The following MAP2K4 variants were observed in gnomAD, a reference collection of about 807,000 sequenced individuals.
MAP2K4 encodes mitogen-activated protein kinase kinase 4.
In MAP2K4, 4 loss-of-function variants were observed where a neutral mutation model predicts 48.5. The observed-to-expected ratio is 0.08, with a 90% CI of 0.04 to 0.19. The LOEUF (loss-of-function observed/expected upper bound fraction) is 0.19. Ranked by LOEUF, MAP2K4 falls within the 10% of genes least tolerant of loss-of-function variation. The pLI, the probability that MAP2K4 is intolerant of heterozygous loss-of-function variation, is 1.00. For missense variants in MAP2K4, 258 were observed against 493.3 expected (o/e 0.52, Z 4.52); for synonymous variants, 166 against 173.1 (o/e 0.96, Z 0.32).
chr17:12,021,734 G>GAAAAA lies in MAP2K4; in HGVS notation c.115+750_115+754dup, dbSNP rs896882494. Among the ~76,000 whole-genome samples the GAAAAA allele has an allele frequency of 2.7e-4, 27 of 99,614 alleles. 1 individual carries two copies. Among genetic ancestry groups the GAAAAA allele is most frequent in the Admixed American group, 4.5e-4 (4 of 8,954 alleles). 65.4% of individuals were successfully genotyped at this position (99,614 alleles called of 152,430 possible). A position where few individuals can be genotyped will look rare whatever the true frequency, so the allele number is the denominator to read the frequency against. On this transcript the variant is annotated intron_variant, in intron 1 of 10. Transcript: ENST00000353533. ...TCTGTGTTAGCATTGCGTGCAGGAAGAAAAAAAAAAAAAAAAAAAAAGAAG... is the reference window on the plus strand; with the variant it reads ...TCTGTGTTAGCATTGCGTGCAGGAAGAAAAAAAAAAAAAAAAAAAAAAAAAAGAAG...
chr17:12,141,340 T>C lies in MAP2K4; in HGVS notation c.*80T>C. ...AGAATTTTCATCCCGTATCACAGTGTTTTTATTGCTCGCCCAGACACCATG... is the reference window on the plus strand; with the variant it reads ...AGAATTTTCATCCCGTATCACAGTGCTTTTATTGCTCGCCCAGACACCATG... On this transcript the variant is annotated 3_prime_UTR_variant, in exon 11 of 11. Coordinates refer to ENST00000353533, the MANE Select transcript of MAP2K4 (RefSeq NM_003010.4). 2.0e-6 allele frequency: 2 copies of C among 976,404 alleles called. No homozygotes were observed. The highest frequency in any genetic ancestry group is 2.6e-5 in the South Asian group (2 of 77,388). The allele number at this position is 976,404 out of a possible 1,614,324, so 60.5% of individuals were successfully genotyped here.
chr17:12,132,208 T>C (rs1973050435), intron 9 of MAP2K4, among the ~76,000 whole-genome samples: 1 of 152,214 alleles, frequency 6.6e-6, no homozygotes, highest in African/African-American at 2.4e-5. Flanking sequence ...GGTTGATGTA[T>C]ACACCATGGT....
chr17:12,139,716 C>T (rs1340965263), intron 9 of MAP2K4, 123 bp from the exon 10 acceptor site: 12 of 631,696 alleles, frequency 1.9e-5, no homozygotes, highest in African/African-American at 1.5e-4. Flanking sequence ...AGGCTGTCTG[C>T]GTTGTTACTT....
chr17:12,070,579 A>G (rs1970770036), intron 2 of MAP2K4, among the ~76,000 whole-genome samples: 1 of 152,224 alleles, frequency 6.6e-6, no homozygotes, highest in African/African-American at 2.4e-5. Flanking sequence ...AAAAGGATAT[A>G]GAAAATATGA....
Position 12,095,895 on chromosome 17 carries a change from T to TTGTGTGTGTGTG in MAP2K4, c.513+223_513+234dup, listed in dbSNP as rs71947375. ...GGTAAGGGGTGAATCACACGTGTGT[T>TTGTGTGTGTGTG]TGTGTGTGTGTGTGTGTGTGTGTGT... On this transcript the variant is annotated intron_variant, in intron 4 of 10. Coordinates refer to ENST00000353533, the MANE Select transcript of MAP2K4 (RefSeq NM_003010.4). Among the ~76,000 whole-genome samples, 627 of 147,378 alleles carry TTGTGTGTGTGTG rather than the reference T, an allele frequency of 4.3e-3. 4 individuals are homozygous for TTGTGTGTGTGTG. Among genetic ancestry groups the TTGTGTGTGTGTG allele is most frequent in the African/African-American group, 0.015 (577 of 39,680 alleles).
chr17:12,114,509 C>G (rs1006910282), intron 7 of MAP2K4, among the ~76,000 whole-genome samples: 1 of 151,692 alleles, frequency 6.6e-6, no homozygotes, highest in Non-Finnish European at 1.5e-5. Flanking sequence ...TTTGGAAGAT[C>G]ATTTGTTTAT....
In MAP2K4 at chr17:12,047,017, T is replaced by C. The variant is rs77918038; in HGVS notation, c.116-7872T>C. ...AGAATCTGATAGGAGCTGTTAAGCC[T>C]TTTGTTGTCAAAGCAGTACCCTTTC... On this transcript the variant is annotated intron_variant, in intron 1 of 10. Transcript: ENST00000353533. 9.5e-3 allele frequency among the ~76,000 whole-genome samples: 1,450 copies of C among 152,230 alleles called. 24 individuals carry two copies. Among genetic ancestry groups the C allele is most frequent in the African/African-American group, 0.033 (1,388 of 41,536 alleles).
chr17:12,092,750 G>T (rs2151559019), intron 3 of MAP2K4, among the ~76,000 whole-genome samples: 1 of 152,304 alleles, frequency 6.6e-6, no homozygotes, highest in South Asian at 2.1e-4. Context: ...TAGCAGGTCG[G>T]TCACAGTGGC....
At chr17:12,039,157 T>C (rs1417435994) in intron 1 of MAP2K4, among the ~76,000 whole-genome samples, 2 of 152,160 alleles carry the variant, frequency 1.3e-5, no homozygotes, top group Non-Finnish European at 2.9e-5. Context: ...AAGGAATAAA[T>C]TGCTCCAGGA....
intron 1 of MAP2K4, among the ~76,000 whole-genome samples, chr17:12,026,318 TAG>T (rs1321374009): frequency 2.6e-5 from 4 of 151,388 alleles, no homozygotes; most frequent in African/African-American, 4.8e-5. Flanking sequence ...TGTGAGCCCA[TAG>T]AGTTTCCTTA....
chr17:12,050,779 C>T (rs566555485), intron 1 of MAP2K4, among the ~76,000 whole-genome samples: 1 of 152,310 alleles, frequency 6.6e-6, no homozygotes, highest in African/African-American at 2.4e-5. Context: ...TGGAAGGTGT[C>T]TTCCCTCCAA....
intron 5 of MAP2K4, among the ~76,000 whole-genome samples, chr17:12,109,438 T>C (rs1167748263): frequency 1.3e-5 from 2 of 152,182 alleles, no homozygotes; most frequent in Non-Finnish European, 2.9e-5. Context: ...TCACAACAAA[T>C]TTATGTGTTC....
chr17:12,022,956 A>T (rs1969136463), intron 1 of MAP2K4, among the ~76,000 whole-genome samples: 1 of 151,840 alleles, frequency 6.6e-6, no homozygotes, highest in Admixed American at 6.6e-5. Context: ...TGTTCTAGGA[A>T]CTCCTAAGGC....
chr17:12,026,081 G>A (rs1040026998), intron 1 of MAP2K4, among the ~76,000 whole-genome samples: 1 of 152,030 alleles, frequency 6.6e-6, no homozygotes, highest in East Asian at 1.9e-4. Flanking sequence ...TTCTTCTTAT[G>A]TTCCCTTAAA....
intron 6 of MAP2K4, 38 bp downstream of exon 6, chr17:12,110,464 C>T: frequency 7.3e-7 from 1 of 1,366,430 alleles, no homozygotes; most frequent in Non-Finnish European, 1.0e-6. Context: ...TAGAAATTAA[C>T]TTTTTTCTCC....
Position 12,110,354 on chromosome 17 carries a change from ATC to A in MAP2K4, c.634-16_634-15del. The stretch of plus-strand genomic sequence containing the variant: ...TAAAAAGAAACAAGTTGTTTATCCC[ATC>A]TCTCCTTTTTCTCCCTAGACTGTGA... On this transcript the variant is annotated intron_variant, in intron 5 of 10. Transcript: ENST00000353533. 1.3e-6 allele frequency: 2 copies of A among 1,586,684 alleles called. No homozygotes were observed. Among genetic ancestry groups the A allele is most frequent in the African/African-American group, 1.3e-5 (1 of 74,442 alleles).
chr17:12,091,110 A>G (rs1288420908), intron 3 of MAP2K4, among the ~76,000 whole-genome samples: 1 of 152,220 alleles, frequency 6.6e-6, no homozygotes, highest in Non-Finnish European at 1.5e-5. Context: ...GAACAGCACC[A>G]CATTTACATT....
At chr17:12,066,353 C>A (rs1314927397) in intron 2 of MAP2K4, among the ~76,000 whole-genome samples, 1 of 152,052 alleles carries the variant, frequency 6.6e-6, no homozygotes, top group Non-Finnish European at 1.5e-5. Context: ...AAATGCCTTG[C>A]AGAAAAGCTT....
At chr17:12,083,295 AAGTTTTGT>A (rs2151550474) in intron 3 of MAP2K4, among the ~76,000 whole-genome samples, 2 of 152,316 alleles carry the variant, frequency 1.3e-5, no homozygotes, top group East Asian at 3.9e-4. Flanking sequence ...ATGCTTACTC[AAGTTTTGT>A]AGGAATTCAA....
Sources: allele counts gnomAD v4.1 joint callset (sites outside exome capture counted in the v4.1 genomes callset), GRCh38; gene constraint gnomAD v4.1.1; transcripts MANE v1.5; gene names NCBI Gene and HGNC (gene_info 2026-07-23, HGNC 2026-07-21).